Variants in GALNT13 observed in about 807,000 individuals in gnomAD.
The protein encoded by GALNT13 is polypeptide N-acetylgalactosaminyltransferase 13, also known as UDP-GalNAc:polypeptide N-acetylgalactosaminyltransferase 13.
GALNT13 carries 28 observed loss-of-function variants against 64.2 expected under a neutral mutation model. The ratio of observed to expected loss-of-function variants is 0.44; its 90% CI spans 0.32 to 0.60. GALNT13 has a LOEUF of 0.60. GALNT13 is among the 20% of genes least tolerant of loss of function. The pLI is 0.05. For synonymous variants in GALNT13, 214 were observed against 224.6 expected (o/e 0.95, Z 0.42); for missense variants, 577 against 669.8 (o/e 0.86, Z 1.53).
the GALNT13 span, among the ~76,000 whole-genome samples, chr2:153,629,961 C>G: frequency 6.8e-6 from 1 of 147,346 alleles, no homozygotes; most frequent in African/African-American, 2.6e-5. Flanking sequence ...TCATCTCACA[C>G]CAGTTAGAAT....
the GALNT13 span, among the ~76,000 whole-genome samples, chr2:153,144,522 C>T: frequency 1.3e-5 from 2 of 151,840 alleles, no homozygotes; most frequent in Admixed American, 6.6e-5. Context: ...TGTATTTGAG[C>T]ACTGGAACAC....
chr2:153,070,150 A>T, the GALNT13 span, among the ~76,000 whole-genome samples: 1 of 152,218 alleles, frequency 6.6e-6, no homozygotes, highest in East Asian at 1.9e-4. Flanking sequence ...AAGAAATAAT[A>T]TATCAAGCCA....
At chr2:153,922,599 G>C (rs1263197064) in intron 2 of GALNT13, among the ~76,000 whole-genome samples, 1 of 152,080 alleles carries the variant, frequency 6.6e-6, no homozygotes, top group Non-Finnish European at 1.5e-5. Context: ...CAATTATAGA[G>C]ACTAATTTTA....
At chr2:153,689,351 C>T in the GALNT13 span, among the ~76,000 whole-genome samples, 1 of 151,790 alleles carries the variant, frequency 6.6e-6, no homozygotes, top group Non-Finnish European at 1.5e-5. Flanking sequence ...TTACTTAGTC[C>T]TTTTACATAT....
At chr2:153,103,004 TG>T in the GALNT13 span, among the ~76,000 whole-genome samples, 1 of 152,080 alleles carries the variant, frequency 6.6e-6, no homozygotes, top group South Asian at 2.1e-4. Context: ...AGGGTATTAA[TG>T]CTGAAACGAC....
chr2:153,241,925 G>A, the GALNT13 span, among the ~76,000 whole-genome samples: 5 of 152,018 alleles, frequency 3.3e-5, no homozygotes, highest in African/African-American at 9.7e-5. Flanking sequence ...TATGAACTTT[G>A]CTGTGGGTGC....
At chr2:154,323,640 C>T (rs183735731) in intron 9 of GALNT13, among the ~76,000 whole-genome samples, 9 of 152,162 alleles carry the variant, frequency 5.9e-5, no homozygotes, top group Admixed American at 4.6e-4. Flanking sequence ...TCTAAGTGTG[C>T]ATCTTTGTGT....
chr2:153,906,227 CTTTT>C (rs1171335186), intron 2 of GALNT13, among the ~76,000 whole-genome samples: 1 of 149,464 alleles, frequency 6.7e-6, no homozygotes, highest in Non-Finnish European at 1.5e-5. Flanking sequence ...GCTAATTTTT[CTTTT>C]TTTCTTTTTT....
chr2:154,165,189 A>G (rs1684958742), intron 4 of GALNT13, among the ~76,000 whole-genome samples: 1 of 152,134 alleles, frequency 6.6e-6, no homozygotes, highest in Non-Finnish European at 1.5e-5. Context: ...TCTCTAAAGA[A>G]TAGAATAATA....
At chr2:153,241,170 CCTT>C in the GALNT13 span, among the ~76,000 whole-genome samples, 20,455 of 152,060 alleles carry the variant, frequency 0.13, 1,635 homozygotes, top group Non-Finnish European at 0.18. Context: ...AGAAAACCCT[CCTT>C]ATTTGTCTGA....
the GALNT13 span, among the ~76,000 whole-genome samples, chr2:153,234,564 T>C: frequency 6.6e-6 from 1 of 152,114 alleles, no homozygotes; most frequent in Non-Finnish European, 1.5e-5. Flanking sequence ...TGGAAATTCT[T>C]CTCAGGGACT....
At chr2:153,376,330 A>G in the GALNT13 span, among the ~76,000 whole-genome samples, 935 of 152,292 alleles carry the variant, frequency 6.1e-3, 10 homozygotes, top group African/African-American at 0.021. Flanking sequence ...GCAATAGGCT[A>G]TGAAATGGAG....
At chr2:153,919,434 T>C (rs1689606045) in intron 2 of GALNT13, among the ~76,000 whole-genome samples, 2 of 151,958 alleles carry the variant, frequency 1.3e-5, no homozygotes, top group Non-Finnish European at 2.9e-5. Flanking sequence ...TTAAAATATA[T>C]GTGATATTGA....
At chr2:153,612,150 C>T in the GALNT13 span, among the ~76,000 whole-genome samples, 1 of 151,918 alleles carries the variant, frequency 6.6e-6, no homozygotes, top group African/African-American at 2.4e-5. Flanking sequence ...TATTGTTTCG[C>T]GCCAGTTAGA....
intron 3 of GALNT13, among the ~76,000 whole-genome samples, chr2:153,982,716 A>G (rs554004875): frequency 7.9e-5 from 12 of 152,182 alleles, no homozygotes; most frequent in South Asian, 6.2e-4. Flanking sequence ...GTTTGGAGAC[A>G]TGTTCAATAA....
intron 9 of GALNT13, among the ~76,000 whole-genome samples, chr2:154,326,326 CA>C (rs35753554): frequency 0.058 from 5,518 of 94,942 alleles, 150 homozygotes; most frequent in African/African-American, 0.11. Flanking sequence ...GGGATTTCTG[CA>C]AAAAAAAAAA....
the GALNT13 span, among the ~76,000 whole-genome samples, chr2:153,586,773 T>C: frequency 6.6e-6 from 1 of 151,882 alleles, no homozygotes; most frequent in African/African-American, 2.4e-5. Flanking sequence ...AGACTGACCA[T>C]ATGTCTGGCC....
At chr2:153,754,782 G>C in the GALNT13 span, among the ~76,000 whole-genome samples, 1 of 152,096 alleles carries the variant, frequency 6.6e-6, no homozygotes, top group African/African-American at 2.4e-5. Context: ...TGTTGTCTAA[G>C]CTGCCTTTCA....
intron 4 of GALNT13, among the ~76,000 whole-genome samples, chr2:154,147,917 T>A (rs937826645): frequency 4.0e-5 from 6 of 151,884 alleles, no homozygotes; most frequent in Non-Finnish European, 8.8e-5. Flanking sequence ...CTTTTATTTT[T>A]TATTTTTATT....
Sources: gnomAD v4.1 joint callset for allele counts (sites outside exome capture counted in the v4.1 genomes callset) on GRCh38, gnomAD v4.1.1 for gene constraint, MANE v1.5 for transcripts, NCBI Gene and HGNC (gene_info 2026-07-23, HGNC 2026-07-21) for gene names.